JMJD1C: variants seen among roughly 807,000 people sequenced by gnomAD.
JMJD1C encodes the protein jumonji domain-containing protein 1C.
A neutral mutation model predicts 245.3 loss-of-function variants in JMJD1C; 31 were observed. The observed-to-expected ratio is 0.13, with a 90% CI of 0.09 to 0.17. JMJD1C has a LOEUF of 0.17. JMJD1C is among the 10% of genes least tolerant of loss of function. The pLI is 1.00. For synonymous variants in JMJD1C, 1,057 were observed against 1,017.4 expected (o/e 1.04, Z -0.74); for missense variants, 2,691 against 3,000.2 (o/e 0.90, Z 2.41).
chr10:63,313,362 A>G (rs1356896347), intron 2 of JMJD1C, among the ~76,000 whole-genome samples: 1 of 152,176 alleles, frequency 6.6e-6, no homozygotes, highest in Admixed American at 6.5e-5. Flanking sequence ...CATTTGTGCC[A>G]GTTCCATATT....
chr10:63,198,778 G>C, intron 11 of JMJD1C, 51 bp from the exon 12 acceptor site: 1 of 1,056,306 alleles, frequency 9.5e-7, no homozygotes, highest in Non-Finnish European at 1.4e-6. Flanking sequence ...TAAAACATAA[G>C]TCCAGTCTTT....
At chr10:63,387,999 A>G (rs1351730820) in intron 1 of JMJD1C, among the ~76,000 whole-genome samples, 1 of 152,118 alleles carries the variant, frequency 6.6e-6, no homozygotes, top group Non-Finnish European at 1.5e-5. Flanking sequence ...GGACATCATA[A>G]AGCTACCAAA....
chr10:63,253,881 C>G (rs968237932), intron 3 of JMJD1C, among the ~76,000 whole-genome samples: 17 of 152,140 alleles, frequency 1.1e-4, no homozygotes, highest in African/African-American at 1.9e-4. Context: ...CTACTTACTA[C>G]ATTTTGCTTA....
At chr10:63,409,357 C>A (rs551144022) in intron 1 of JMJD1C, among the ~76,000 whole-genome samples, 55 of 152,240 alleles carry the variant, frequency 3.6e-4, no homozygotes, top group African/African-American at 1.0e-3. Context: ...CCAGGAAAAA[C>A]CAACACATAT....
chr10:63,392,004 G>C (rs960558307), intron 1 of JMJD1C, among the ~76,000 whole-genome samples: 2 of 152,152 alleles, frequency 1.3e-5, no homozygotes, highest in Non-Finnish European at 2.9e-5. Flanking sequence ...AGTGTAACAT[G>C]TATTTAAAAC....
intron 3 of JMJD1C, among the ~76,000 whole-genome samples, chr10:63,227,200 C>T (rs1849398668): frequency 6.6e-6 from 1 of 152,092 alleles, no homozygotes; most frequent in Non-Finnish European, 1.5e-5. Flanking sequence ...AAAACATAAG[C>T]TCAGAACACT....
chr10:63,472,332 T>C (rs965373567), intron 1 of JMJD1C, among the ~76,000 whole-genome samples: 1 of 152,088 alleles, frequency 6.6e-6, no homozygotes, highest in Non-Finnish European at 1.5e-5. Context: ...ATTTCTTTTT[T>C]ATTTAATTAT....
At chr10:63,237,050 G>GT (rs1157627436) in intron 3 of JMJD1C, among the ~76,000 whole-genome samples, 1 of 151,934 alleles carries the variant, frequency 6.6e-6, no homozygotes, top group African/African-American at 2.4e-5. Flanking sequence ...GTTTTGTTTT[G>GT]TTTTTTTAAG....
At position 63,207,299 on chromosome 10, in the gene JMJD1C, G is replaced by T. The variant is rs1299144529; in HGVS notation, c.4370C>A (p.Thr1457Lys). ...ACTTCCTGTCTTACTACTGGCTAATGTAACTGGTGCTGTGGTGCTGACCTT... is the reference window on the plus strand; with the variant it reads ...ACTTCCTGTCTTACTACTGGCTAATTTAACTGGTGCTGTGGTGCTGACCTT... ...ECKVSTTAPV[T>K]LASSKTGSVV... The change falls in exon 10 of 26, where the codon ACA becomes AAA. Residue 1457 changes from threonine (T) to lysine (K), a missense_variant. Transcript: ENST00000399262. 1 of 1,613,710 alleles carries T rather than the reference G, an allele frequency of 6.2e-7. No homozygotes were observed. Among genetic ancestry groups the T allele is most frequent in the South Asian group, 1.1e-5 (1 of 91,086 alleles).
rs375334931 is a variant in JMJD1C at position 63,246,404 on chromosome 10, C to T, written c.447+18247G>A. Among the ~76,000 whole-genome samples the T allele has an allele frequency of 2.8e-4, 42 of 151,810 alleles. No individual in the cohort carries two copies. In the East Asian group the frequency reaches 5.6e-3, roughly 20 times the overall value. ...AAATCATACAGGTAAGAAGGGAGGG[C>T]GACAACATTTTCAAAGTGATGAAAA... On this transcript the variant is annotated intron_variant, in intron 3 of 25. Transcript: ENST00000399262.
At chr10:63,471,750 C>T (rs1953497845) in intron 1 of JMJD1C, among the ~76,000 whole-genome samples, 1 of 152,098 alleles carries the variant, frequency 6.6e-6, no homozygotes, top group Non-Finnish European at 1.5e-5. Context: ...TATATTAAAA[C>T]AAATAGGTCA....
At chr10:63,383,084 A>G (rs898294359) in intron 1 of JMJD1C, among the ~76,000 whole-genome samples, 1 of 152,132 alleles carries the variant, frequency 6.6e-6, no homozygotes, top group Non-Finnish European at 1.5e-5. Context: ...GCATACATAT[A>G]AAGTTTTTAA....
At chr10:63,386,221 C>T (rs1470940510) in intron 1 of JMJD1C, among the ~76,000 whole-genome samples, 1 of 152,080 alleles carries the variant, frequency 6.6e-6, no homozygotes, top group Non-Finnish European at 1.5e-5. Context: ...TTTCATATGC[C>T]CTAAATACAA....
chr10:63,319,957 G>GGT (rs1324661242), intron 2 of JMJD1C, among the ~76,000 whole-genome samples: 1 of 152,074 alleles, frequency 6.6e-6, no homozygotes, highest in African/African-American at 2.4e-5. Flanking sequence ...GTAGAGACAG[G>GGT]GTTTCACCAT....
intron 1 of JMJD1C, among the ~76,000 whole-genome samples, chr10:63,519,179 C>T (rs540410775): frequency 2.6e-5 from 4 of 152,242 alleles, no homozygotes; most frequent in African/African-American, 7.2e-5. Flanking sequence ...GTGGAAGAGG[C>T]AGAAGATATA....
At chr10:63,186,461 C>CAG in intron 18 of JMJD1C, 78 bp from the exon 19 acceptor site, 1 of 1,211,414 alleles carries the variant, frequency 8.3e-7, no homozygotes, top group South Asian at 1.6e-5. Context: ...TTGTTTGAGA[C>CAG]AGAGTCTTGC....
At chr10:63,396,933 T>C (rs569349957) in intron 1 of JMJD1C, among the ~76,000 whole-genome samples, 1 of 149,160 alleles carries the variant, frequency 6.7e-6, no homozygotes, top group Non-Finnish European at 1.5e-5. Flanking sequence ...TTTTTGGTTT[T>C]TTTTTTTTTT....
At chr10:63,461,076 C>A (rs1952762829) in intron 1 of JMJD1C, among the ~76,000 whole-genome samples, 1 of 152,146 alleles carries the variant, frequency 6.6e-6, no homozygotes, top group African/African-American at 2.4e-5. Flanking sequence ...GCGATCATCA[C>A]CTTCTTTTAA....
At chr10:63,428,750 T>C (rs1589730789) in intron 1 of JMJD1C, among the ~76,000 whole-genome samples, 1 of 152,208 alleles carries the variant, frequency 6.6e-6, no homozygotes, top group East Asian at 1.9e-4. Flanking sequence ...TGCTAATTGT[T>C]CAATACCATG....
Sources: allele counts gnomAD v4.1 joint callset (sites outside exome capture counted in the v4.1 genomes callset), GRCh38; gene constraint gnomAD v4.1.1; transcripts MANE v1.5; gene names NCBI Gene and HGNC (gene_info 2026-07-23, HGNC 2026-07-21).